Variants in EYA4 observed in about 807,000 individuals in gnomAD.
The protein encoded by EYA4 is protein phosphatase EYA4.
In EYA4, 31 loss-of-function variants were observed where a neutral mutation model predicts 87.9. The observed-to-expected ratio is 0.35, with a 90% CI of 0.27 to 0.48. EYA4 has a LOEUF of 0.48. EYA4 is among the 20% of genes least tolerant of loss of function. The pLI, the probability that EYA4 is intolerant of heterozygous loss-of-function variation, is 0.99. For synonymous variants in EYA4, 263 were observed against 270.6 expected, an observed-to-expected ratio of 0.97 and a Z score of 0.28; for missense variants, 678 against 761.4, an observed-to-expected ratio of 0.89 and a Z score of 1.29.
At chr6:133,409,426 G>T (rs879803877) in intron 3 of EYA4, among the ~76,000 whole-genome samples, 9 of 152,150 alleles carry the variant, frequency 5.9e-5, no homozygotes, top group Non-Finnish European at 1.3e-4. Context: ...GGTGAATATG[G>T]CAGACGCAAA....
chr6:133,242,450 G>C (rs1774032536), intron 1 of EYA4, among the ~76,000 whole-genome samples: 2 of 152,192 alleles, frequency 1.3e-5, no homozygotes, highest in African/African-American at 4.8e-5. Context: ...CGAGTAGCGG[G>C]TGCCATGGAA....
At chr6:133,282,028 C>T (rs1777668512) in intron 2 of EYA4, among the ~76,000 whole-genome samples, 1 of 152,014 alleles carries the variant, frequency 6.6e-6, no homozygotes, top group Admixed American at 6.6e-5. Context: ...GTTGTGGGCA[C>T]CTAAGTTGGT....
chr6:133,301,493 G>A (rs1779402777), intron 2 of EYA4, among the ~76,000 whole-genome samples: 1 of 152,204 alleles, frequency 6.6e-6, no homozygotes, highest in South Asian at 2.1e-4. Flanking sequence ...CTAATACAAA[G>A]TGAATGAAAA....
chr6:133,511,938 G>T (rs554394760), intron 14 of EYA4, among the ~76,000 whole-genome samples: 1 of 151,138 alleles, frequency 6.6e-6, no homozygotes, highest in Non-Finnish European at 1.5e-5. Flanking sequence ...CCGAGATCGC[G>T]CCACTGCACT....
At chr6:133,378,540 T>C (rs1376382985) in intron 2 of EYA4, among the ~76,000 whole-genome samples, 1 of 152,122 alleles carries the variant, frequency 6.6e-6, no homozygotes, top group Non-Finnish European at 1.5e-5. Context: ...TCATAGGTTC[T>C]GGTTAAAATG....
chr6:133,283,402 A>G (rs1256006005), intron 2 of EYA4, among the ~76,000 whole-genome samples: 5 of 152,212 alleles, frequency 3.3e-5, no homozygotes, highest in Non-Finnish European at 7.3e-5. Flanking sequence ...ATTAATAAAT[A>G]TAATGCAATT....
At chr6:133,275,631 T>G (rs1777103841) in intron 2 of EYA4, among the ~76,000 whole-genome samples, 1 of 151,976 alleles carries the variant, frequency 6.6e-6, no homozygotes, top group Admixed American at 6.6e-5. Flanking sequence ...ATCAGGCAAC[T>G]GAGGAGAAGA....
At chr6:133,498,919 G>T (rs1023602850) in intron 13 of EYA4, among the ~76,000 whole-genome samples, 3 of 152,174 alleles carry the variant, frequency 2.0e-5, no homozygotes, top group African/African-American at 7.2e-5. Context: ...GTGATCTCAT[G>T]AATAGCCAAA....
intron 3 of EYA4, among the ~76,000 whole-genome samples, chr6:133,391,897 C>T (rs1226861434): frequency 6.6e-6 from 1 of 152,120 alleles, no homozygotes; most frequent in Non-Finnish European, 1.5e-5. Context: ...ATAATCCAGC[C>T]TATATAAACT....
intron 11 of EYA4, among the ~76,000 whole-genome samples, chr6:133,470,881 G>T (rs1424046945): frequency 1.1e-5 from 1 of 91,284 alleles, no homozygotes; most frequent in Non-Finnish European, 2.2e-5. Flanking sequence ...CCCATGATTT[G>T]GCTCTCTGTC....
intron 3 of EYA4, among the ~76,000 whole-genome samples, chr6:133,394,261 G>A (rs1301963308): frequency 7.3e-6 from 1 of 137,348 alleles, no homozygotes; most frequent in Non-Finnish European, 1.5e-5. Flanking sequence ...AGAATAGTTG[G>A]AAAAATGTAT....
At chr6:133,242,030 T>G (rs1247526825) in intron 1 of EYA4, among the ~76,000 whole-genome samples, 1 of 152,224 alleles carries the variant, frequency 6.6e-6, no homozygotes, top group Non-Finnish European at 1.5e-5. Context: ...CGAGCCTGCC[T>G]GTCCCTTCCG....
intron 2 of EYA4, among the ~76,000 whole-genome samples, chr6:133,325,042 C>G (rs1349189954): frequency 2.0e-5 from 3 of 151,336 alleles, no homozygotes; most frequent in African/African-American, 7.3e-5. Context: ...TCCTGAGTAG[C>G]TGGGACTACA....
At chr6:133,513,089 T>G in intron 16 of EYA4, 51 bp downstream of exon 16, 1 of 1,520,492 alleles carries the variant, frequency 6.6e-7, no homozygotes, top group Non-Finnish European at 9.1e-7. Context: ...ATAGGTAGAA[T>G]TCAATCTGTA....
At chr6:133,288,115 C>G (rs112687509) in intron 2 of EYA4, among the ~76,000 whole-genome samples, 3,319 of 151,672 alleles carry the variant, frequency 0.022, 50 homozygotes, top group South Asian at 0.061. Context: ...GCCTGGGCGA[C>G]AGAGTGAGAC....
Position 133,301,522 on chromosome 6 carries a change from T to C in EYA4, c.33+26709T>C, listed in dbSNP as rs934914827. 2.0e-5 allele frequency among the ~76,000 whole-genome samples: 3 copies of C among 152,230 alleles called. No homozygotes were observed. In the East Asian group the frequency reaches 5.8e-4, roughly 29 times the overall value. ...ATGAAAATAGCTGCACATATGATAT[T>C]AATAGCCAGCATTTATCAAGGAATT... On this transcript the variant is annotated intron_variant, in intron 2 of 19. Transcript: ENST00000355286.
At position 133,483,262 on chromosome 6, in the gene EYA4, T is replaced by A. The variant is rs1245429117; in HGVS notation, c.1191+147T>A. The A allele has an allele frequency of 6.3e-6, 4 of 631,258 alleles. No homozygotes were observed. The African/African-American group carries it at 7.4e-5, about 12-fold the overall frequency. The allele number at this position is 631,258 out of a possible 1,614,324, so 39.1% of individuals were successfully genotyped here. ...TTAATTATCTATTTCTAGTGTCTTA[T>A]AGTTCTTTAATATGAACTGGCAAAT... On this transcript the variant is annotated intron_variant, in intron 13 of 19. Transcript: ENST00000355286.
At chr6:133,350,599 G>C (rs1239189999) in intron 2 of EYA4, among the ~76,000 whole-genome samples, 2 of 152,062 alleles carry the variant, frequency 1.3e-5, no homozygotes, top group African/African-American at 4.8e-5. Context: ...GGACAGAGGG[G>C]CTGGAGTGCA....
chr6:133,391,211 G>T (rs9321400), intron 3 of EYA4, among the ~76,000 whole-genome samples: 2 of 52,858 alleles, frequency 3.8e-5, no homozygotes, highest in Non-Finnish European at 1.1e-4. Context: ...TATTTTTTGG[G>T]TTTTGTTTTT....
Sources: gnomAD v4.1 joint callset for allele counts (sites outside exome capture counted in the v4.1 genomes callset) on GRCh38, gnomAD v4.1.1 for gene constraint, MANE v1.5 for transcripts, NCBI Gene and HGNC (gene_info 2026-07-23, HGNC 2026-07-21) for gene names.